ASPH: variants seen among roughly 807,000 people sequenced by gnomAD.
ASPH encodes the protein aspartyl/asparaginyl beta-hydroxylase.
ASPH carries 100 observed loss-of-function variants against 118.4 expected under a neutral mutation model. The observed-to-expected ratio is 0.84, with a 90% CI of 0.72 to 1.00. The LOEUF (loss-of-function observed/expected upper bound fraction) is 1.00, where lower values mean the gene tolerates loss of function less well. Ranked by LOEUF, ASPH falls within the 50% of genes least tolerant of loss-of-function variation. The pLI is 0.00. For missense variants in ASPH, 920 were observed against 919.5 expected, an observed-to-expected ratio of 1.00 and a Z score of -0.01; for synonymous variants, 315 against 325.6, an observed-to-expected ratio of 0.97 and a Z score of 0.35.
intron 15 of ASPH, among the ~76,000 whole-genome samples, chr8:61,577,780 A>G (rs1835860160): frequency 6.6e-6 from 1 of 152,166 alleles, no homozygotes; most frequent in South Asian, 2.1e-4. Context: ...GGCATGGGGG[A>G]AACTGCCCCC....
intron 13 of ASPH, among the ~76,000 whole-genome samples, chr8:61,631,049 T>C (rs1340571041): frequency 6.6e-6 from 1 of 152,144 alleles, no homozygotes. Flanking sequence ...AAATTGAAAA[T>C]AAAAATGCTT....
At chr8:61,704,136 A>G (rs1395888081) in intron 1 of ASPH, among the ~76,000 whole-genome samples, 1 of 128,892 alleles carries the variant, frequency 7.8e-6, no homozygotes, top group Non-Finnish European at 1.6e-5. Flanking sequence ...CGGAGCTTGC[A>G]GTGAGCCGAG....
At chr8:61,667,510 G>A (rs1342058749) in intron 3 of ASPH, among the ~76,000 whole-genome samples, 3 of 152,074 alleles carry the variant, frequency 2.0e-5, no homozygotes, top group Non-Finnish European at 2.9e-5. Context: ...GGGATTACAG[G>A]TGCCTGCCAC....
At chr8:61,622,396 C>A (rs1034208881) in intron 13 of ASPH, among the ~76,000 whole-genome samples, 2 of 152,190 alleles carry the variant, frequency 1.3e-5, no homozygotes, top group African/African-American at 2.4e-5. Context: ...CCAGCCACTG[C>A]GCTAATCTGC....
intron 12 of ASPH, 148 bp from the exon 13 acceptor site, chr8:61,633,875 C>T: frequency 1.8e-6 from 1 of 566,868 alleles, no homozygotes. Context: ...GGCTTCTATA[C>T]CCTCACAACA....
chr8:61,689,192 G>A (rs1467683055), intron 1 of ASPH, among the ~76,000 whole-genome samples: 1 of 152,022 alleles, frequency 6.6e-6, no homozygotes, highest in East Asian at 1.9e-4. Flanking sequence ...AAACCCTTGT[G>A]TTTTTTCTTT....
intron 24 of ASPH, among the ~76,000 whole-genome samples, chr8:61,516,241 T>G (rs1195368566): frequency 6.6e-6 from 1 of 152,218 alleles, no homozygotes; most frequent in African/African-American, 2.4e-5. Flanking sequence ...TGAGTGTCTG[T>G]GAGCAGGTGA....
chr8:61,713,673 C>A (rs1052906516), intron 1 of ASPH, among the ~76,000 whole-genome samples: 6 of 152,194 alleles, frequency 3.9e-5, no homozygotes, highest in Admixed American at 6.5e-5. Context: ...AATACAGACG[C>A]TCGTTCAGTA....
chr8:61,540,457 GA>G (rs1311202053), intron 21 of ASPH, among the ~76,000 whole-genome samples: 2 of 152,118 alleles, frequency 1.3e-5, no homozygotes, highest in African/African-American at 4.8e-5. Flanking sequence ...TCCTGTGATT[GA>G]AAGCTTCCTG....
intron 21 of ASPH, among the ~76,000 whole-genome samples, 181 bp from the exon 22 acceptor site, chr8:61,526,293 T>C (rs904493566): frequency 2.0e-5 from 3 of 152,216 alleles, no homozygotes; most frequent in African/African-American, 7.2e-5. Context: ...CCAAATCTCA[T>C]GACTTTTCCA....
intron 1 of ASPH, among the ~76,000 whole-genome samples, chr8:61,705,187 A>T (rs13282552): frequency 0.17 from 26,463 of 152,122 alleles, 2,340 homozygotes; most frequent in Non-Finnish European, 0.18. Flanking sequence ...AAGTGGGAGC[A>T]AAACATTGAC....
intron 5 of ASPH, among the ~76,000 whole-genome samples, chr8:61,647,688 A>T (rs6471966): frequency 0.15 from 22,406 of 151,926 alleles, 1,671 homozygotes; most frequent in African/African-American, 0.19. Context: ...ATAAATAAAT[A>T]AATTAAATTA....
intron 24 of ASPH, among the ~76,000 whole-genome samples, chr8:61,511,410 G>A (rs891387021): frequency 6.6e-6 from 1 of 152,148 alleles, no homozygotes; most frequent in African/African-American, 2.4e-5. Context: ...CCAAGGTCAC[G>A]GTTCCTTCTC....
At position 61,578,365 on chromosome 8, in the gene ASPH, G is replaced by T. The variant is rs1404206185; in HGVS notation, c.1063-1507C>A. 10 of 1,606,794 alleles carry T rather than the reference G, an allele frequency of 6.2e-6. No homozygotes were observed. The Middle Eastern group carries it at 5.4e-4, about 87-fold the overall frequency. On this transcript the variant is annotated intron_variant, in intron 15 of 24. Transcript: ENST00000379454. The stretch of plus-strand genomic sequence containing the variant: ...GTGGGCAGCAGCAGCTTTCGGGGTG[G>T]CCTGGGAGGCGGCTATAGTGGGGCC...
rs528342403 is a variant in ASPH, at chr8:61,650,416, C to T, written c.490+634G>A. Among the ~76,000 whole-genome samples, 235 of 152,276 alleles carry T rather than the reference C, an allele frequency of 1.5e-3. 7 individuals are homozygous for T. The highest frequency in any genetic ancestry group is 3.4e-3 in the Middle Eastern group (1 of 294). On this transcript the variant is annotated intron_variant, in intron 5 of 24. Transcript: ENST00000379454. The stretch of plus-strand genomic sequence containing the variant: ...AATCAGGATTCCAGAACATCCTGCC[C>T]ACTCCACAATCCCTTCATGAGATAC...
chr8:61,620,488 T>C (rs1490181732), intron 13 of ASPH, among the ~76,000 whole-genome samples: 1 of 152,164 alleles, frequency 6.6e-6, no homozygotes, highest in Non-Finnish European at 1.5e-5. Context: ...CAGGACTTTT[T>C]TTTTTTTTTA....
chr8:61,567,038 T>C, intron 17 of ASPH, 130 bp downstream of exon 17: 4 of 1,137,094 alleles, frequency 3.5e-6, no homozygotes, highest in Non-Finnish European at 4.9e-6. Flanking sequence ...GACAGACACA[T>C]TACTTGAAAT....
chr8:61,605,806 TGACG>T (rs776152755), intron 14 of ASPH, among the ~76,000 whole-genome samples: 119 of 152,346 alleles, frequency 7.8e-4, no homozygotes, highest in South Asian at 2.5e-3. Flanking sequence ...TGTATTTCCA[TGACG>T]CTAGTACCAA....
chr8:61,702,894 C>T (rs904783299), intron 1 of ASPH, among the ~76,000 whole-genome samples: 3 of 151,876 alleles, frequency 2.0e-5, no homozygotes, highest in South Asian at 2.1e-4. Context: ...GAAAATATTC[C>T]GTACTAATCA....
Sources: gnomAD v4.1 joint callset for allele counts (sites outside exome capture counted in the v4.1 genomes callset) on GRCh38, gnomAD v4.1.1 for gene constraint, MANE v1.5 for transcripts, NCBI Gene and HGNC (gene_info 2026-07-23, HGNC 2026-07-21) for gene names.